SUMF1: variants seen among roughly 807,000 people sequenced by gnomAD.
SUMF1 encodes formylglycine-generating enzyme.
A neutral mutation model predicts 47.6 loss-of-function variants in SUMF1; 48 were observed. That is an observed-to-expected ratio of 1.01 (90% CI 0.80 to 1.28). The LOEUF (loss-of-function observed/expected upper bound fraction) is 1.28, where lower values mean the gene tolerates loss of function less well. SUMF1 is among the 50% of genes most tolerant of loss of function. The probability of loss-of-function intolerance (pLI) is 0.00; values close to 1 mark genes in which losing one functional copy is unlikely to be tolerated. For missense variants in SUMF1, 571 were observed against 485.4 expected (o/e 1.18, Z -1.66); for synonymous variants, 230 against 192.1 (o/e 1.20, Z -1.63).
chr3:4,438,811 T>C (rs1702484472), intron 3 of SUMF1, among the ~76,000 whole-genome samples: 1 of 152,154 alleles, frequency 6.6e-6, no homozygotes, highest in Admixed American at 6.5e-5. Context: ...CTTCCTATAA[T>C]GGATATGTAT....
At chr3:4,355,326 G>C (rs977750228) in intron 8 of SUMF1, among the ~76,000 whole-genome samples, 46 of 152,164 alleles carry the variant, frequency 3.0e-4, no homozygotes, top group Non-Finnish European at 7.3e-5. Flanking sequence ...CACTGCCCTC[G>C]GGCCTGGATG....
At chr3:4,457,691 TAGA>T (rs1203310673) in intron 1 of SUMF1, among the ~76,000 whole-genome samples, 2 of 152,154 alleles carry the variant, frequency 1.3e-5, no homozygotes, top group Admixed American at 6.5e-5. Context: ...TATCCACATG[TAGA>T]AGAATGAAAT....
Position 4,362,709 on chromosome 3 carries a change from G to C in SUMF1, c.1015-455C>G, listed in dbSNP as rs186396958. 4.7e-3 allele frequency among the ~76,000 whole-genome samples: 717 copies of C among 152,222 alleles called. 5 individuals are homozygous for C. The highest frequency in any genetic ancestry group is 8.6e-3 in the Non-Finnish European group (583 of 68,010). ...GGCTGAAATGGGAGAACTGTTTGAG[G>C]CCAGGAGCTCGAGGCCAGCCTGGGC... is the stretch of plus-strand genomic sequence containing the variant. On this transcript the variant is annotated intron_variant, in intron 8 of 8. Coordinates refer to ENST00000272902, the MANE Select transcript of SUMF1 (RefSeq NM_182760.4).
chr3:4,034,799 G>C (rs774744627), intron 9 of SUMF1, among the ~76,000 whole-genome samples: 2 of 152,028 alleles, frequency 1.3e-5, no homozygotes, highest in Non-Finnish European at 2.9e-5. Flanking sequence ...GGTATAAGTA[G>C]ACTGCTCTGG....
chr3:4,445,913 C>T (rs1340521306), intron 3 of SUMF1, among the ~76,000 whole-genome samples: 2 of 152,156 alleles, frequency 1.3e-5, no homozygotes, highest in South Asian at 2.1e-4. Flanking sequence ...TTATTTCTTA[C>T]ACTGCATGAG....
chr3:4,116,824 A>G (rs1405202274), intron 8 of SUMF1, among the ~76,000 whole-genome samples: 2 of 152,114 alleles, frequency 1.3e-5, no homozygotes, highest in Non-Finnish European at 2.9e-5. Context: ...TTCAATACTT[A>G]CTGAGATTGG....
intron 8 of SUMF1, among the ~76,000 whole-genome samples, chr3:4,229,587 GAC>G (rs1696252400): frequency 6.6e-6 from 1 of 152,238 alleles, no homozygotes; most frequent in South Asian, 2.1e-4. Context: ...CATAATGCCT[GAC>G]ACACAGTAAA....
Position 4,245,751 on chromosome 3 carries a change from G to A in SUMF1, c.1014+130579C>T, listed in dbSNP as rs577267464. 3.2e-4 allele frequency among the ~76,000 whole-genome samples: 49 copies of A among 152,288 alleles called. 1 individual carries two copies. The highest frequency in any genetic ancestry group is 1.0e-3 in the African/African-American group (42 of 41,582). On this transcript the variant is annotated intron_variant and NMD_transcript_variant, in intron 8 of 12. Coordinates refer to the SUMF1 transcript ENST00000448413. ...ATTATCAGAGCTTGAATGCCATGCCGGTAGAATGACTGCTCTCTTCAGAGC... is the reference window on the plus strand; with the variant it reads ...ATTATCAGAGCTTGAATGCCATGCCAGTAGAATGACTGCTCTCTTCAGAGC...
chr3:4,408,693 T>A (rs1044846757), intron 7 of SUMF1, among the ~76,000 whole-genome samples: 5 of 152,062 alleles, frequency 3.3e-5, no homozygotes, highest in Non-Finnish European at 7.4e-5. Flanking sequence ...TAACAAGACC[T>A]GGCGTGGTGG....
chr3:4,154,723 A>G (rs1019288738), intron 8 of SUMF1, among the ~76,000 whole-genome samples: 4 of 151,626 alleles, frequency 2.6e-5, no homozygotes, highest in Non-Finnish European at 5.9e-5. Context: ...TCTGCTGAAG[A>G]AAACAGGTCC....
At chr3:4,250,335 G>C (rs529027960) in intron 8 of SUMF1, among the ~76,000 whole-genome samples, 1 of 151,260 alleles carries the variant, frequency 6.6e-6, no homozygotes, top group Non-Finnish European at 1.5e-5. Flanking sequence ...AGGGAGGGAA[G>C]GAAGGGAAGG....
intron 8 of SUMF1, among the ~76,000 whole-genome samples, chr3:4,194,294 T>G (rs1047719446): frequency 3.3e-5 from 5 of 152,132 alleles, no homozygotes; most frequent in African/African-American, 1.2e-4. Flanking sequence ...GCCCTTTGGG[T>G]GCTCTCTCAT....
At chr3:4,316,856 A>G in intron 8 of SUMF1, 1 of 1,549,850 alleles carries the variant, frequency 6.5e-7, no homozygotes, top group South Asian at 1.2e-5. Flanking sequence ...AAACCATTAC[A>G]TCTGAGAAGT....
At chr3:4,458,526 A>C (rs2079724811) in intron 1 of SUMF1, among the ~76,000 whole-genome samples, 1 of 151,632 alleles carries the variant, frequency 6.6e-6, no homozygotes, top group Non-Finnish European at 1.5e-5. Flanking sequence ...TTATATATAC[A>C]TATATATATA....
intron 8 of SUMF1, among the ~76,000 whole-genome samples, chr3:4,369,572 T>A (rs1687893): frequency 0.96 from 145,941 of 152,272 alleles, 70,237 homozygotes; most frequent in East Asian, 1. Flanking sequence ...AGATGACATG[T>A]CATTCTTGTC....
intron 1 of SUMF1, among the ~76,000 whole-genome samples, chr3:4,463,740 C>T (rs1196638350): frequency 6.6e-6 from 1 of 152,174 alleles, no homozygotes; most frequent in African/African-American, 2.4e-5. Context: ...TACAGACATG[C>T]CACCTACAAT....
At chr3:4,232,985 C>T (rs1361341201) in intron 8 of SUMF1, among the ~76,000 whole-genome samples, 1 of 152,078 alleles carries the variant, frequency 6.6e-6, no homozygotes, top group Non-Finnish European at 1.5e-5. Context: ...GAGTCCCTAA[C>T]TTTCAAATTT....
chr3:4,199,782 T>G (rs1695503368), intron 8 of SUMF1, among the ~76,000 whole-genome samples: 1 of 152,154 alleles, frequency 6.6e-6, no homozygotes, highest in Admixed American at 6.6e-5. Flanking sequence ...TCTGGTGAAG[T>G]GTCTAGTCAA....
intron 7 of SUMF1, among the ~76,000 whole-genome samples, chr3:4,384,994 T>C (rs1700626929): frequency 6.6e-6 from 1 of 151,958 alleles, no homozygotes; most frequent in Admixed American, 6.6e-5. Flanking sequence ...CAAGCGATTC[T>C]CCTGCCTCAG....
Sources: gnomAD v4.1 joint callset for allele counts (sites outside exome capture counted in the v4.1 genomes callset) on GRCh38, gnomAD v4.1.1 for gene constraint, MANE v1.5 for transcripts, NCBI Gene and HGNC (gene_info 2026-07-23, HGNC 2026-07-21) for gene names.